Variants in RAB4B observed in about 807,000 individuals in gnomAD.
The protein encoded by RAB4B is ras-related protein Rab-4B.
RAB4B carries 15 observed loss-of-function variants against 28.3 expected under a neutral mutation model. The observed-to-expected ratio is 0.53, with a 90% CI of 0.35 to 0.82. The LOEUF is 0.82. Ranked by LOEUF, RAB4B falls within the 40% of genes least tolerant of loss-of-function variation. The pLI is 0.01. For synonymous variants in RAB4B, 108 were observed against 116.3 expected (o/e 0.93, Z 0.46); for missense variants, 244 against 288.5 (o/e 0.85, Z 1.12).
At chr19:40,792,980 C>T (rs985191483) in intron 7 of RAB4B, among the ~76,000 whole-genome samples, 15 of 151,954 alleles carry the variant, frequency 9.9e-5, no homozygotes, top group Non-Finnish European at 2.2e-4. Context: ...GGCATTTGAC[C>T]GTGGCCAGGC....
chr19:40,793,588 T>G (rs1365756133), intron 7 of RAB4B, among the ~76,000 whole-genome samples: 2 of 122,204 alleles, frequency 1.6e-5, no homozygotes, highest in Admixed American at 9.6e-5. Flanking sequence ...TTTTTTTTTT[T>G]TTTTTTTAGA....
intron 7 of RAB4B, 140 bp downstream of exon 7, chr19:40,787,118 T>C (rs762294844): frequency 1.2e-6 from 1 of 849,820 alleles, no homozygotes. Context: ...AAAGGAGGCA[T>C]CTGGCTGGGC....
chr19:40,789,027 G>A (rs2083131165), intron 7 of RAB4B, among the ~76,000 whole-genome samples: 1 of 151,500 alleles, frequency 6.6e-6, no homozygotes, highest in Non-Finnish European at 1.5e-5. Flanking sequence ...TGATCTGCCC[G>A]CCTCGGCCTC....
In RAB4B at chr19:40,778,261, C is replaced by G; in HGVS notation, c.-115C>G. 9.7e-7 allele frequency: 1 copy of G among 1,026,568 alleles called. No individual in the cohort carries two copies. The highest frequency in any genetic ancestry group is 1.7e-5 in the South Asian group (1 of 59,626). 63.6% of individuals were successfully genotyped at this position (1,026,568 alleles called of 1,614,324 possible). On this transcript the variant is annotated 5_prime_UTR_variant, in exon 1 of 8. Coordinates refer to ENST00000357052, the MANE Select transcript of RAB4B (RefSeq NM_016154.5). ...GGGGCGGAGGCGGAAGTGGCGGTGC[C>G]GGGCCCGGGGAGTAGGAAGGAGCCG...
chr19:40,780,503 G>A lies in RAB4B; in HGVS notation c.212+4G>A, dbSNP rs1036522553. ...CGGCTGGCCAGGAGCGGTTTCGGTAGGTGGGCTGGGCTCCCAAGGGTGATG... is the reference window on the plus strand; with the variant it reads ...CGGCTGGCCAGGAGCGGTTTCGGTAAGTGGGCTGGGCTCCCAAGGGTGATG... On this transcript the variant is annotated splice_donor_region_variant and intron_variant, in intron 3 of 7. Transcript: ENST00000357052. 23 of 1,611,874 alleles carry A rather than the reference G, an allele frequency of 1.4e-5. No homozygotes were observed. The highest frequency in any genetic ancestry group is 2.0e-5 in the Non-Finnish European group (23 of 1,178,566).
At position 40,786,517 on chromosome 19, in the gene RAB4B, G is replaced by A. The variant is rs113007774; in HGVS notation, c.431-148G>A. ...TGGGCATATCGGGAAGCGGACATTA[G>A]TGGCAGGGAAATGGCATGCGCAGAG... On this transcript the variant is annotated intron_variant, in intron 5 of 7. Transcript: ENST00000357052. 2.5e-6 allele frequency: 3 copies of A among 1,208,838 alleles called. No individual in the cohort carries two copies. The African/African-American group carries it at 4.6e-5, about 18-fold the overall frequency. 74.9% of individuals were successfully genotyped at this position (1,208,838 alleles called of 1,614,324 possible).
At position 40,793,244 on chromosome 19, in the gene RAB4B, T is replaced by TC. The variant is rs1423688533; in HGVS notation, c.*16-3326_*16-3325insC. 2.0e-5 allele frequency among the ~76,000 whole-genome samples: 3 copies of TC among 148,182 alleles called. No homozygotes were observed. The East Asian group carries it at 5.9e-4, about 29-fold the overall frequency. ...CAATATGATATTCTTTTCCTTTTCC[T>TC]TTTTTTTTTGAGAAGGGTCTCACTT... On this transcript the variant is annotated intron_variant, in intron 7 of 7. Coordinates refer to ENST00000357052, the MANE Select transcript of RAB4B (RefSeq NM_016154.5).
Position 40,778,345 on chromosome 19 carries a change from T to C in RAB4B, c.-31T>C. 2 of 1,495,124 alleles carry C rather than the reference T, an allele frequency of 1.3e-6. No homozygotes were observed. Among genetic ancestry groups the C allele is most frequent in the Non-Finnish European group, 1.8e-6 (2 of 1,129,484 alleles). The allele number at this position is 1,495,124 out of a possible 1,614,324, so 92.6% of individuals were successfully genotyped here. On this transcript the variant is annotated 5_prime_UTR_variant, in exon 1 of 8. Coordinates refer to ENST00000357052, the MANE Select transcript of RAB4B (RefSeq NM_016154.5). ...AGGAGCAGGCGCGGCCGCGGCGCCA[T>C]ATTGCGGCCCTCAGCGGCCGCGACC...
chr19:40,782,052 C>T (rs557781614), intron 3 of RAB4B, among the ~76,000 whole-genome samples: 1 of 147,114 alleles, frequency 6.8e-6, no homozygotes, highest in South Asian at 2.2e-4. Context: ...TTAGGAGAGT[C>T]GGAGAAACAG....
In RAB4B at chr19:40,778,286, G is replaced by A; in HGVS notation, c.-90G>A. On this transcript the variant is annotated 5_prime_UTR_variant, in exon 1 of 8. Coordinates refer to ENST00000357052, the MANE Select transcript of RAB4B (RefSeq NM_016154.5). ...CGGGCCCGGGGAGTAGGAAGGAGCC[G>A]GGGCTGTAGCCGGAGTGGAGCGGCT... The A allele has an allele frequency of 7.6e-7, 1 of 1,316,102 alleles. No individual in the cohort carries two copies. Among genetic ancestry groups the A allele is most frequent in the Middle Eastern group, 2.4e-4 (1 of 4,132 alleles). The allele number at this position is 1,316,102 out of a possible 1,614,324, so 81.5% of individuals were successfully genotyped here. A position where few individuals can be genotyped will look rare whatever the true frequency, so the allele number is the denominator to read the frequency against.
Position 40,778,301 on chromosome 19 carries a change from G to T in RAB4B, c.-75G>T. ...GGAAGGAGCCGGGGCTGTAGCCGGA[G>T]TGGAGCGGCTGCCAGCCGAGGAGCA... On this transcript the variant is annotated 5_prime_UTR_variant, in exon 1 of 8. Coordinates refer to ENST00000357052, the MANE Select transcript of RAB4B (RefSeq NM_016154.5). 1 of 1,425,062 alleles carries T rather than the reference G, an allele frequency of 7.0e-7. No homozygotes were observed. The highest frequency in any genetic ancestry group is 2.8e-5 in the East Asian group (1 of 35,160). 88.3% of individuals were successfully genotyped at this position (1,425,062 alleles called of 1,614,324 possible). A position where few individuals can be genotyped will look rare whatever the true frequency, so the allele number is the denominator to read the frequency against.
intron 7 of RAB4B, among the ~76,000 whole-genome samples, chr19:40,790,856 ATTT>A (rs35337272): frequency 4.3e-5 from 5 of 116,166 alleles, no homozygotes; most frequent in Admixed American, 8.4e-5. Flanking sequence ...TAATTTTTGT[ATTT>A]TTTTTTTTTT....
intron 7 of RAB4B, among the ~76,000 whole-genome samples, chr19:40,791,156 A>G (rs2083155889): frequency 6.6e-6 from 1 of 151,952 alleles, no homozygotes; most frequent in Non-Finnish European, 1.5e-5. Flanking sequence ...CGCCCGGCCA[A>G]TTTTTGTATT....
At chr19:40,778,506 G>T in intron 1 of RAB4B, 115 bp downstream of exon 1, 1 of 1,075,108 alleles carries the variant, frequency 9.3e-7, no homozygotes, top group Non-Finnish European at 1.2e-6. Flanking sequence ...ATGGAGGCAG[G>T]ACCTAAGTGG....
intron 7 of RAB4B, among the ~76,000 whole-genome samples, chr19:40,791,248 C>T (rs1267531008): frequency 1.3e-5 from 2 of 152,192 alleles, no homozygotes; most frequent in Non-Finnish European, 2.9e-5. Flanking sequence ...CCTTGGCCTC[C>T]CAAAGTGCTG....
At chr19:40,779,037 A>T (rs1333335626) in intron 1 of RAB4B, 3 of 985,228 alleles carry the variant, frequency 3.0e-6, no homozygotes, top group Non-Finnish European at 3.6e-6. Context: ...AGAAGGGAGA[A>T]GAGTGCAAAG....
At chr19:40,795,547 C>T (rs1169415930) in intron 7 of RAB4B, among the ~76,000 whole-genome samples, 1 of 151,270 alleles carries the variant, frequency 6.6e-6, no homozygotes, top group Non-Finnish European at 1.5e-5. Flanking sequence ...CTACAGGCAC[C>T]TACCACCACG....
intron 3 of RAB4B, among the ~76,000 whole-genome samples, chr19:40,782,839 T>A (rs2083061983): frequency 7.7e-6 from 1 of 130,576 alleles, no homozygotes; most frequent in Non-Finnish European, 1.6e-5. Context: ...AATCAATCAA[T>A]CAATAAAAGA....
chr19:40,795,135 C>A (rs1389162398), intron 7 of RAB4B, among the ~76,000 whole-genome samples: 2 of 141,322 alleles, frequency 1.4e-5, no homozygotes, highest in Non-Finnish European at 3.0e-5. Flanking sequence ...CGCCACTGCA[C>A]TTCAGCCCAG....
Sources: gnomAD v4.1 joint callset for allele counts (sites outside exome capture counted in the v4.1 genomes callset) on GRCh38, gnomAD v4.1.1 for gene constraint, MANE v1.5 for transcripts, NCBI Gene and HGNC (gene_info 2026-07-23, HGNC 2026-07-21) for gene names.